Variants in DGKB observed in about 807,000 individuals in gnomAD.
The protein encoded by DGKB is diacylglycerol kinase beta.
A neutral mutation model predicts 114.3 loss-of-function variants in DGKB; 67 were observed. That is an observed-to-expected ratio of 0.59 (90% CI 0.48 to 0.72). The LOEUF (loss-of-function observed/expected upper bound fraction) is 0.72. Among genes scored for constraint, DGKB ranks in the 30% least tolerant of loss-of-function variants. The probability of loss-of-function intolerance (pLI) is 0.00; values close to 1 mark genes in which losing one functional copy is unlikely to be tolerated. For synonymous variants in DGKB, 398 were observed against 323.1 expected (o/e 1.23, Z -2.49); for missense variants, 907 against 975.2 (o/e 0.93, Z 0.93).
At position 14,267,108 on chromosome 7, in the gene DGKB, T is replaced by G. The variant is rs114273406; in HGVS notation, c.2122+71407A>C. Among the ~76,000 whole-genome samples, 1,294 of 152,264 alleles carry G rather than the reference T, an allele frequency of 8.5e-3. 17 individuals carry two copies. Among genetic ancestry groups the G allele is most frequent in the African/African-American group, 0.03 (1,249 of 41,534 alleles). On this transcript the variant is annotated intron_variant, in intron 23 of 25. Coordinates refer to ENST00000402815, the MANE Select transcript of DGKB (RefSeq NM_001350709.2). ...TGTGACAGATTAAAAATGCCACAAG[T>G]TTTTTGATGTTTTTTCTATCAAGTC...
intron 20 of DGKB, among the ~76,000 whole-genome samples, chr7:14,527,547 T>C (rs917463441): frequency 4.6e-5 from 7 of 152,060 alleles, no homozygotes; most frequent in Admixed American, 2.0e-4. Flanking sequence ...TTAGAATGGA[T>C]TTCAACTGAA....
chr7:14,447,451 G>T (rs1478890622), intron 21 of DGKB, among the ~76,000 whole-genome samples: 1 of 152,034 alleles, frequency 6.6e-6, no homozygotes, highest in Non-Finnish European at 1.5e-5. Context: ...TTAATTTATT[G>T]ATATGGGTCT....
At chr7:14,937,115 T>G in intron 1 of DGKB, among the ~76,000 whole-genome samples, 1 of 152,134 alleles carries the variant, frequency 6.6e-6, no homozygotes, top group East Asian at 1.9e-4. Context: ...TTTTTTCATT[T>G]TTATTGTCCA....
chr7:14,586,181 A>G (rs758568302), intron 17 of DGKB, among the ~76,000 whole-genome samples: 8 of 152,152 alleles, frequency 5.3e-5, no homozygotes, highest in Non-Finnish European at 1.0e-4. Flanking sequence ...AAGCGAAGGC[A>G]AAGTTATTGA....
At chr7:14,968,806 G>A (rs1202287149) in intron 1 of DGKB, among the ~76,000 whole-genome samples, 1 of 152,128 alleles carries the variant, frequency 6.6e-6, no homozygotes, top group Non-Finnish European at 1.5e-5. Context: ...CATATACATT[G>A]ATTAAATCAC....
At chr7:14,808,658 A>G (rs1296698885) in intron 2 of DGKB, among the ~76,000 whole-genome samples, 1 of 152,092 alleles carries the variant, frequency 6.6e-6, no homozygotes, top group African/African-American at 2.4e-5. Context: ...GAATTAAAAC[A>G]CAGGCTGTTA....
intron 17 of DGKB, among the ~76,000 whole-genome samples, chr7:14,590,668 C>A (rs925720386): frequency 1.3e-5 from 2 of 152,180 alleles, no homozygotes; most frequent in African/African-American, 4.8e-5. Context: ...TTACTACATT[C>A]ATTCATTAAT....
intron 21 of DGKB, among the ~76,000 whole-genome samples, chr7:14,369,920 T>C (rs1817353277): frequency 6.6e-6 from 1 of 152,228 alleles, no homozygotes; most frequent in African/African-American, 2.4e-5. Context: ...GATTATAGTT[T>C]CTTTTGCTGT....
chr7:14,446,377 T>G (rs1830729124), intron 21 of DGKB, among the ~76,000 whole-genome samples: 2 of 152,128 alleles, frequency 1.3e-5, no homozygotes, highest in Non-Finnish European at 2.9e-5. Flanking sequence ...ACTTAGTCTT[T>G]CATCAATTGC....
chr7:14,249,670 G>A (rs1476588565), intron 23 of DGKB, among the ~76,000 whole-genome samples: 1 of 151,980 alleles, frequency 6.6e-6, no homozygotes, highest in Non-Finnish European at 1.5e-5. Context: ...AATTTCTGTG[G>A]TAACAGTTGT....
At chr7:14,259,407 CTATATATATA>C (rs71975347) in intron 23 of DGKB, among the ~76,000 whole-genome samples, 15 of 108,208 alleles carry the variant, frequency 1.4e-4, no homozygotes, top group African/African-American at 3.5e-4. Context: ...CTCTCTCTCT[CTATATATATA>C]TATATATATA....
chr7:14,484,654 T>C (rs1783501440), intron 20 of DGKB, among the ~76,000 whole-genome samples: 1 of 152,218 alleles, frequency 6.6e-6, no homozygotes, highest in Admixed American at 6.5e-5. Flanking sequence ...CAATTAAATC[T>C]CTTTTCTTAG....
intron 20 of DGKB, among the ~76,000 whole-genome samples, chr7:14,538,512 C>T (rs763292069): frequency 7.2e-5 from 11 of 151,932 alleles, no homozygotes; most frequent in Admixed American, 2.6e-4. Flanking sequence ...ATGGAGAAAT[C>T]GGAATGCTTG....
At chr7:14,450,932 G>C (rs1831394871) in intron 21 of DGKB, among the ~76,000 whole-genome samples, 2 of 152,096 alleles carry the variant, frequency 1.3e-5, no homozygotes, top group South Asian at 2.1e-4. Context: ...TGAGAATGAA[G>C]GTAATTACAC....
chr7:14,787,277 A>T (rs1213876444), intron 2 of DGKB, among the ~76,000 whole-genome samples: 1 of 152,224 alleles, frequency 6.6e-6, no homozygotes, highest in Non-Finnish European at 1.5e-5. Flanking sequence ...AATTTATTAA[A>T]AATTAATTAG....
At chr7:14,691,659 G>T (rs1287329342) in intron 9 of DGKB, among the ~76,000 whole-genome samples, 1 of 152,004 alleles carries the variant, frequency 6.6e-6, no homozygotes, top group Non-Finnish European at 1.5e-5. Flanking sequence ...TTTATTAAAA[G>T]ACAGCTTAAA....
chr7:14,891,116 G>A (rs901328009), intron 1 of DGKB, among the ~76,000 whole-genome samples: 1 of 151,370 alleles, frequency 6.6e-6, no homozygotes, highest in African/African-American at 2.4e-5. Flanking sequence ...TGGACCAAGA[G>A]GAGGTACCAG....
rs1397767010 is a variant in DGKB, at chr7:14,919,087, C to CAA, written c.-188+55608_-188+55609insTT. On this transcript the variant is annotated intron_variant, in intron 1 of 4. Coordinates refer to the DGKB transcript ENST00000437998. Reference sequence around the variant, plus strand: ...GCACACACACACACACACACACACACACACACAAACACACACACACACACA... The same window carrying CAA: ...GCACACACACACACACACACACACACAAACACACAAACACACACACACACACA... 5.1e-3 allele frequency among the ~76,000 whole-genome samples: 613 copies of CAA among 119,886 alleles called. 3 individuals carry two copies. Among genetic ancestry groups the CAA allele is most frequent in the African/African-American group, 0.024 (583 of 24,676 alleles). 78.6% of individuals were successfully genotyped at this position (119,886 alleles called of 152,430 possible).
intron 20 of DGKB, among the ~76,000 whole-genome samples, chr7:14,553,519 A>C (rs1795409672): frequency 6.6e-6 from 1 of 152,246 alleles, no homozygotes; most frequent in Non-Finnish European, 1.5e-5. Context: ...AGCTATAGTT[A>C]TATCTATCCA....
Sources: allele counts gnomAD v4.1 joint callset (sites outside exome capture counted in the v4.1 genomes callset), GRCh38; gene constraint gnomAD v4.1.1; transcripts MANE v1.5; gene names NCBI Gene and HGNC (gene_info 2026-07-23, HGNC 2026-07-21).